The following MAP4 variants were observed in gnomAD, a reference collection of about 807,000 sequenced individuals.
MAP4 encodes the protein microtubule-associated protein 4.
MAP4 carries 76 observed loss-of-function variants against 170.2 expected under a neutral mutation model. The observed-to-expected ratio is 0.45, with a 90% confidence interval of 0.37 to 0.54. The LOEUF (loss-of-function observed/expected upper bound fraction) is 0.54, where lower values mean the gene tolerates loss of function less well. Among genes scored for constraint, MAP4 ranks in the 20% least tolerant of loss-of-function variants. MAP4 has a pLI of 0.00. For missense variants in MAP4, 2,506 were observed against 2,748.0 expected (o/e 0.91, Z 1.97); for synonymous variants, 909 against 994.5 (o/e 0.91, Z 1.62).
chr3:47,976,974 T>C (rs1036755733), intron 3 of MAP4, among the ~76,000 whole-genome samples: 2 of 152,228 alleles, frequency 1.3e-5, no homozygotes, highest in Admixed American at 1.3e-4. Flanking sequence ...GGGCTTCTCA[T>C]AGCTGAGGTA....
chr3:47,859,034 C>A (rs1243603194), intron 17 of MAP4, among the ~76,000 whole-genome samples: 1 of 151,988 alleles, frequency 6.6e-6, no homozygotes, highest in African/African-American at 2.4e-5. Context: ...GAGGCTGAGG[C>A]AGGAGAATGG....
chr3:47,915,165 G>A (rs1047536632), intron 7 of MAP4, among the ~76,000 whole-genome samples: 1 of 150,488 alleles, frequency 6.6e-6, no homozygotes, highest in African/African-American at 2.5e-5. Flanking sequence ...TGCTCAGGCT[G>A]GAGTGCAATG....
chr3:48,069,164 A>G (rs2100139815), intron 1 of MAP4, among the ~76,000 whole-genome samples: 1 of 152,196 alleles, frequency 6.6e-6, no homozygotes, highest in Non-Finnish European at 1.5e-5. Flanking sequence ...TGAGTTTCAT[A>G]TTTCACAGCC....
At chr3:47,893,860 T>C (rs1350383574) in intron 10 of MAP4, among the ~76,000 whole-genome samples, 3 of 152,156 alleles carry the variant, frequency 2.0e-5, no homozygotes, top group African/African-American at 7.2e-5. Flanking sequence ...GTTAAGATTG[T>C]TCTTTGGTCT....
chr3:48,036,862 T>A (rs2100119004), intron 1 of MAP4, among the ~76,000 whole-genome samples: 1 of 152,236 alleles, frequency 6.6e-6, no homozygotes, highest in South Asian at 2.1e-4. Flanking sequence ...TTTCTAATGG[T>A]GAATGTTAGC....
chr3:47,993,099 T>G (rs1448981965), intron 2 of MAP4, among the ~76,000 whole-genome samples: 1 of 152,150 alleles, frequency 6.6e-6, no homozygotes, highest in Non-Finnish European at 1.5e-5. Flanking sequence ...AAATCACTGA[T>G]GCTTTGTGTA....
At position 47,909,305 on chromosome 3, in the gene MAP4, A is replaced by G. The variant is rs748219148; in HGVS notation, c.5116T>C (p.Ser1706Pro). The G allele has an allele frequency of 2.0e-5, 32 of 1,613,798 alleles. No homozygotes were observed. The highest frequency in any genetic ancestry group is 2.6e-5 in the Non-Finnish European group (31 of 1,179,864). Residue 1706 changes from serine (S) to proline (P), a missense_variant, in exon 9 of 21, where the codon TCA becomes CCA. Physicochemically the swap from Ser to Pro is moderately conservative, Grantham distance 74 (BLOSUM62 -1). Coordinates refer to ENST00000683076, the MANE Select transcript of MAP4 (RefSeq NM_001385682.1). ...ATTACTAACGTATCCGCCACCTCTG[A>G]AGGAGGAGCTTCGACTTTGCTATGT... ...FLHSKVEAPP[S>P]EVADTLVIMT... is the part of the protein sequence containing the mutation.
At chr3:48,031,546 A>C (rs1264902917) in intron 1 of MAP4, among the ~76,000 whole-genome samples, 2 of 150,812 alleles carry the variant, frequency 1.3e-5, no homozygotes, top group African/African-American at 2.4e-5. Flanking sequence ...GCAAGACTCC[A>C]TCTCAAAAAA....
intron 3 of MAP4, among the ~76,000 whole-genome samples, chr3:47,959,666 G>A (rs2100070247): frequency 6.6e-6 from 1 of 151,210 alleles, no homozygotes; most frequent in Admixed American, 6.6e-5. Flanking sequence ...GGCTGAGGCA[G>A]GAGCATGGCG....
chr3:47,975,042 C>T (rs913398772), intron 3 of MAP4: 3 of 1,020,110 alleles, frequency 2.9e-6, no homozygotes, highest in Non-Finnish European at 3.5e-6. Flanking sequence ...TTTGGTGTTA[C>T]ACTATTCTGA....
Position 47,852,494 on chromosome 3 carries a change from G to A in MAP4, c.*440C>T, listed in dbSNP as rs1018541216. ...ACTCTTCCCTCCAGGTAGATCCAGG[G>A]AGAAGGGAGGGCATGTCAGTTTCTT... On this transcript the variant is annotated 3_prime_UTR_variant, in exon 21 of 21. Coordinates refer to ENST00000683076, the MANE Select transcript of MAP4 (RefSeq NM_001385682.1). The A allele has an allele frequency of 7.7e-5, 31 of 402,886 alleles. No homozygotes were observed. Among genetic ancestry groups the A allele is most frequent in the African/African-American group, 4.1e-4 (20 of 48,238 alleles). 25.0% of individuals were successfully genotyped at this position (402,886 alleles called of 1,614,324 possible).
intron 1 of MAP4, among the ~76,000 whole-genome samples, chr3:48,086,364 T>C (rs970370704): frequency 5.3e-5 from 8 of 152,068 alleles, no homozygotes; most frequent in Non-Finnish European, 7.4e-5. Flanking sequence ...TGGCCGGGCA[T>C]GGTGGCTTGC....
chr3:47,978,885 A>G (rs1393036563), intron 2 of MAP4, among the ~76,000 whole-genome samples: 3 of 151,920 alleles, frequency 2.0e-5, no homozygotes, highest in African/African-American at 4.8e-5. Context: ...GACTATTTTA[A>G]AACTGAACTG....
rs192914419 is a variant in MAP4, at chr3:48,029,827, G to A, written c.-19-30948C>T. ...ATTCTGGCTAACACGGTGAAACCCC[G>A]TCTCTATTAAAATACAAAAAATTAG... On this transcript the variant is annotated intron_variant, in intron 1 of 18. Transcript: ENST00000360240. Among the ~76,000 whole-genome samples, 168 of 151,532 alleles carry A rather than the reference G, an allele frequency of 1.1e-3. 2 individuals are homozygous for A. Among genetic ancestry groups the A allele is most frequent in the African/African-American group, 3.5e-3 (146 of 41,298 alleles).
chr3:47,858,009 G>A (rs1227957506), intron 17 of MAP4, among the ~76,000 whole-genome samples: 1 of 144,488 alleles, frequency 6.9e-6, no homozygotes, highest in African/African-American at 2.6e-5. Flanking sequence ...GAGCCACCAC[G>A]CCTGGCCTTC....
At chr3:47,998,526 T>C (rs1344464345) in intron 2 of MAP4, 112 bp downstream of exon 2, 2 of 785,884 alleles carry the variant, frequency 2.5e-6, no homozygotes, top group Admixed American at 4.4e-5. Flanking sequence ...ATAAAGTTAC[T>C]AGCCTACACT....
intron 1 of MAP4, among the ~76,000 whole-genome samples, chr3:48,048,445 C>A (rs537931841): frequency 1.5e-3 from 229 of 150,020 alleles, no homozygotes; most frequent in Middle Eastern, 3.5e-3. Context: ...CCAGGCAAGA[C>A]TGGATGGTAC....
intron 1 of MAP4, among the ~76,000 whole-genome samples, chr3:48,068,267 A>G (rs1207114366): frequency 1.3e-5 from 2 of 150,250 alleles, no homozygotes; most frequent in Non-Finnish European, 3.0e-5. Context: ...TCTGTCTCAA[A>G]AAAAAAAAAA....
At chr3:48,088,546 G>A (rs2100150617) in intron 1 of MAP4, among the ~76,000 whole-genome samples, 1 of 136,428 alleles carries the variant, frequency 7.3e-6, no homozygotes, top group Non-Finnish European at 1.6e-5. Context: ...TCACTCCAAA[G>A]ACCCCCCTAG....
Sources: gnomAD v4.1 joint callset for allele counts (sites outside exome capture counted in the v4.1 genomes callset) on GRCh38, gnomAD v4.1.1 for gene constraint, MANE v1.5 for transcripts, NCBI Gene and HGNC (gene_info 2026-07-23, HGNC 2026-07-21) for gene names.